The following NKD1 variants were observed in gnomAD, a reference collection of about 807,000 sequenced individuals.
NKD1 encodes protein naked cuticle homolog 1.
In NKD1, 21 loss-of-function variants were observed where a neutral mutation model predicts 56.0. That is an observed-to-expected ratio of 0.38 (90% CI 0.27 to 0.54). NKD1 has a LOEUF of 0.54. Among genes scored for constraint, NKD1 ranks in the 20% least tolerant of loss-of-function variants. The pLI, the probability that NKD1 is intolerant of heterozygous loss-of-function variation, is 0.82. For synonymous variants in NKD1, 263 were observed against 265.7 expected (o/e 0.99, Z 0.10); for missense variants, 578 against 642.7 (o/e 0.90, Z 1.09).
intron 6 of NKD1, 47 bp from the exon 7 acceptor site, chr16:50,630,138 GC>G (rs770952170): frequency 1.9e-6 from 3 of 1,586,638 alleles, no homozygotes; most frequent in Non-Finnish European, 2.6e-6. Flanking sequence ...TATTTTCAAG[GC>G]CCTGTGACTG....
intron 4 of NKD1, among the ~76,000 whole-genome samples, chr16:50,615,601 C>T (rs953355798): frequency 1.3e-5 from 2 of 152,164 alleles, no homozygotes; most frequent in Admixed American, 1.3e-4. Flanking sequence ...AAAGCAGTTC[C>T]ACAGAGAGAC....
intron 3 of NKD1, among the ~76,000 whole-genome samples, chr16:50,577,243 T>G (rs1207960002): frequency 6.6e-6 from 1 of 152,116 alleles, no homozygotes; most frequent in East Asian, 1.9e-4. Context: ...GGAGGGTTGT[T>G]GGGTGGGTGG....
At position 50,623,285 on chromosome 16, in the gene NKD1, C is replaced by G. The variant is rs1311021592; in HGVS notation, c.366+1577C>G. Reference sequence around the variant, plus strand: ...CCCCACCATCCTGCACAGGCCACACCACACAGCTTGTTCTCCCCACACAGC... The same window carrying G: ...CCCCACCATCCTGCACAGGCCACACGACACAGCTTGTTCTCCCCACACAGC... On this transcript the variant is annotated intron_variant, in intron 5 of 9. Transcript: ENST00000268459. The surrounding 1 kb of genome is among the most constrained non-coding windows in gnomAD (Gnocchi z 4.1). Among the ~76,000 whole-genome samples the G allele has an allele frequency of 6.6e-6, 1 of 152,062 alleles. No homozygotes were observed. Among genetic ancestry groups the G allele is most frequent in the Non-Finnish European group, 1.5e-5 (1 of 67,980 alleles).
chr16:50,635,944 T>C lies in NKD1; in HGVS notation c.*2163T>C, dbSNP rs916191942. 4 of 152,252 alleles carry C rather than the reference T, an allele frequency of 2.6e-5. No homozygotes were observed. The highest frequency in any genetic ancestry group is 9.6e-5 in the African/African-American group (4 of 41,462). The allele number at this position is 152,252 out of a possible 1,614,324, so 9.4% of individuals were successfully genotyped here. On this transcript the variant is annotated 3_prime_UTR_variant, in exon 10 of 10. Transcript: ENST00000268459. The surrounding 1 kb of genome is among the most constrained non-coding windows in gnomAD (Gnocchi z 4.1). The stretch of plus-strand genomic sequence containing the variant: ...TGTGAATGCAGCTGAGACTGGTTCT[T>C]GTCCCTCCCTCTTGTCCCTCGGATT...
intron 3 of NKD1, chr16:50,562,201 A>G: frequency 2.0e-6 from 1 of 491,298 alleles, no homozygotes; most frequent in Non-Finnish European, 2.6e-6. Context: ...TGCTGACAGG[A>G]AAGAGACCCT....
intron 4 of NKD1, among the ~76,000 whole-genome samples, chr16:50,616,313 T>G (rs1961959720): frequency 6.6e-6 from 1 of 152,200 alleles, no homozygotes; most frequent in African/African-American, 2.4e-5. Context: ...TGGGGCTGAT[T>G]TAGTCATAAC....
intron 3 of NKD1, among the ~76,000 whole-genome samples, chr16:50,592,502 G>T (rs1444485739): frequency 1.3e-5 from 2 of 152,224 alleles, no homozygotes; most frequent in Admixed American, 6.5e-5. Flanking sequence ...GCTATTTTAT[G>T]TGTCGTTTTC....
At position 50,636,346 on chromosome 16, in the gene NKD1, T is replaced by G. The variant is rs1217156001; in HGVS notation, c.*2565T>G. 1 of 152,222 alleles carries G rather than the reference T, an allele frequency of 6.6e-6. No individual in the cohort carries two copies. Among genetic ancestry groups the G allele is most frequent in the Non-Finnish European group, 1.5e-5 (1 of 68,036 alleles). 9.4% of individuals were successfully genotyped at this position (152,222 alleles called of 1,614,324 possible). A position where few individuals can be genotyped will look rare whatever the true frequency, so the allele number is the denominator to read the frequency against. ...ACACCTGTCAGGATTCTGTTACTTC[T>G]TGGTAACTGGGACTTGCCCAACTTT... On this transcript the variant is annotated 3_prime_UTR_variant, in exon 10 of 10. Transcript: ENST00000268459.
chr16:50,644,422 C>T lies in NKD1; in HGVS notation c.*10641C>T, dbSNP rs971794329. Reference sequence around the variant, plus strand: ...AGCACATGGCCTGCTGTTGACACTCCATGTGTCTTTGTTGATAGAATTCAT... The same window carrying T: ...AGCACATGGCCTGCTGTTGACACTCTATGTGTCTTTGTTGATAGAATTCAT... On this transcript the variant is annotated 3_prime_UTR_variant, in exon 10 of 10. Coordinates refer to ENST00000268459, the MANE Select transcript of NKD1 (RefSeq NM_033119.5). The T allele has an allele frequency of 1.3e-5, 2 of 152,278 alleles. No individual in the cohort carries two copies. Among genetic ancestry groups the T allele is most frequent in the African/African-American group, 4.8e-5 (2 of 41,462 alleles). 9.4% of individuals were successfully genotyped at this position (152,278 alleles called of 1,614,324 possible).
At chr16:50,553,747 G>A (rs1960440404) in intron 3 of NKD1, 1 of 152,300 alleles carries the variant, frequency 6.6e-6, no homozygotes, top group African/African-American at 2.4e-5. Context: ...AGGATTAAAA[G>A]ATGATTTGCT....
chr16:50,582,463 C>T (rs1313606006), intron 3 of NKD1, among the ~76,000 whole-genome samples: 2 of 152,174 alleles, frequency 1.3e-5, no homozygotes, highest in African/African-American at 4.8e-5. Context: ...ACCTTCCAGA[C>T]ATCCCTGTGT....
intron 3 of NKD1, among the ~76,000 whole-genome samples, chr16:50,572,340 G>A (rs1010780192): frequency 1.3e-5 from 2 of 152,190 alleles, no homozygotes; most frequent in African/African-American, 4.8e-5. Flanking sequence ...AACTCCTGGG[G>A]CTCCACAGCC....
intron 6 of NKD1, among the ~76,000 whole-genome samples, chr16:50,629,879 G>A (rs1222181108): frequency 6.6e-6 from 1 of 152,246 alleles, no homozygotes; most frequent in Non-Finnish European, 1.5e-5. Flanking sequence ...AGAAGAGGCT[G>A]TTCCAAGGTG....
At chr16:50,564,207 G>A (rs558296537) in intron 3 of NKD1, among the ~76,000 whole-genome samples, 1 of 152,356 alleles carries the variant, frequency 6.6e-6, no homozygotes, top group Admixed American at 6.5e-5. Flanking sequence ...GAATGATCAT[G>A]GTCTTCCTTC....
At chr16:50,591,578 C>T (rs556053293) in intron 3 of NKD1, among the ~76,000 whole-genome samples, 6 of 152,332 alleles carry the variant, frequency 3.9e-5, no homozygotes, top group Non-Finnish European at 7.3e-5. Flanking sequence ...GAGATACCCT[C>T]TTGCCATGCT....
At chr16:50,553,675 C>T (rs906383113) in intron 3 of NKD1, 5 of 152,234 alleles carry the variant, frequency 3.3e-5, no homozygotes, top group African/African-American at 1.2e-4. Context: ...GGTTTCAAAG[C>T]TATGTGATGG....
Position 50,636,072 on chromosome 16 carries a change from C to T in NKD1, c.*2291C>T, listed in dbSNP as rs1351348541. On this transcript the variant is annotated 3_prime_UTR_variant, in exon 10 of 10. Coordinates refer to ENST00000268459, the MANE Select transcript of NKD1 (RefSeq NM_033119.5). ...AAGGACCTTCCGTTAGTGTAAAGCC[C>T]AAGGCAGGATTCTGCTTGGCTGGGC... The T allele has an allele frequency of 6.6e-6, 1 of 152,224 alleles. No individual in the cohort carries two copies. Among genetic ancestry groups the T allele is most frequent in the African/African-American group, 2.4e-5 (1 of 41,436 alleles). 9.4% of individuals were successfully genotyped at this position (152,224 alleles called of 1,614,324 possible). A position where few individuals can be genotyped will look rare whatever the true frequency, so the allele number is the denominator to read the frequency against.
intron 3 of NKD1, among the ~76,000 whole-genome samples, chr16:50,563,968 G>T (rs954907628): frequency 5.3e-5 from 8 of 149,732 alleles, no homozygotes; most frequent in Non-Finnish European, 8.9e-5. Context: ...AGCCCTGGAT[G>T]CATGGAGAAG....
At chr16:50,549,701 A>G (rs1183594473) in intron 3 of NKD1, 146 bp downstream of exon 3, 3 of 831,130 alleles carry the variant, frequency 3.6e-6, no homozygotes, top group East Asian at 6.4e-5. Flanking sequence ...TGCCCCACCA[A>G]CGCGACCCTC....
Sources: allele counts gnomAD v4.1 joint callset (sites outside exome capture counted in the v4.1 genomes callset), GRCh38; gene constraint gnomAD v4.1.1; non-coding constraint Gnocchi (gnomAD v3.1); transcripts MANE v1.5; gene names NCBI Gene and HGNC (gene_info 2026-07-23, HGNC 2026-07-21).